CNR2: variants seen among roughly 807,000 people sequenced by gnomAD.
CNR2 encodes cannabinoid receptor 2.
For missense variants in CNR2, 379 were observed against 439.9 expected (o/e 0.86, Z 1.24); for synonymous variants, 172 against 182.2 (o/e 0.94, Z 0.45).
intron 1 of CNR2, among the ~76,000 whole-genome samples, chr1:23,887,653 T>C (rs1049462632): frequency 2.0e-5 from 3 of 152,192 alleles, no homozygotes; most frequent in Non-Finnish European, 4.4e-5. Flanking sequence ...AATCTCTGGC[T>C]TCTAGACAGG....
In CNR2 at chr1:23,880,219, C is replaced by T. The variant is rs184382850; in HGVS notation, c.-45-4557G>A. ...TTGAGACGGAGTCTCACTCTGTCAC[C>T]TAGGCTGGAGTGCAGTGGCACAATC... On this transcript the variant is annotated intron_variant, in intron 1 of 1. Coordinates refer to ENST00000374472, the MANE Select transcript of CNR2 (RefSeq NM_001841.3). Among the ~76,000 whole-genome samples, 4 of 149,042 alleles carry T rather than the reference C, an allele frequency of 2.7e-5. No individual in the cohort carries two copies. In the East Asian group the frequency reaches 7.8e-4, roughly 29 times the overall value.
intron 1 of CNR2, among the ~76,000 whole-genome samples, chr1:23,889,203 G>A (rs942694972): frequency 1.3e-5 from 2 of 152,116 alleles, no homozygotes; most frequent in Non-Finnish European, 2.9e-5. Flanking sequence ...TGTGCCTGGG[G>A]GTTTTTCTAA....
At chr1:23,901,775 T>C in intron 1 of CNR2, 1 of 1,492,070 alleles carries the variant, frequency 6.7e-7, no homozygotes, top group East Asian at 2.3e-5. Context: ...CTTCACGCTG[T>C]ACTCAGCCTT....
intron 1 of CNR2, among the ~76,000 whole-genome samples, chr1:23,908,071 C>G (rs1240545709): frequency 6.9e-6 from 1 of 144,538 alleles, no homozygotes; most frequent in African/African-American, 2.6e-5. Context: ...ACCTCCGGCT[C>G]TCTGGTTCAA....
At chr1:23,897,034 T>C (rs1018260214) in intron 1 of CNR2, among the ~76,000 whole-genome samples, 4 of 151,940 alleles carry the variant, frequency 2.6e-5, no homozygotes, top group Admixed American at 6.6e-5. Flanking sequence ...GACAGGTGCC[T>C]GCCACCATTT....
rs528173844 is a variant in CNR2 at position 23,906,273 on chromosome 1, G to A, written c.-46+6973C>T. Among the ~76,000 whole-genome samples, 196 of 151,938 alleles carry A rather than the reference G, an allele frequency of 1.3e-3. 7 individuals are homozygous for A. In the South Asian group the frequency reaches 0.038, roughly 29 times the overall value. On this transcript the variant is annotated intron_variant, in intron 1 of 1. Coordinates refer to ENST00000374472, the MANE Select transcript of CNR2 (RefSeq NM_001841.3). ...TGTGTTCTCTCGTGCAAATTACGTC[G>A]TCTCCTTGAGCCCCACTGTCCTTGT...
At chr1:23,893,115 T>C (rs1200479341) in intron 1 of CNR2, among the ~76,000 whole-genome samples, 1 of 152,204 alleles carries the variant, frequency 6.6e-6, no homozygotes. Flanking sequence ...GTCTACGGGT[T>C]ATCAAAGAAA....
chr1:23,902,650 T>C (rs1273891185), intron 1 of CNR2: 3 of 1,594,376 alleles, frequency 1.9e-6, no homozygotes, highest in Non-Finnish European at 2.6e-6. Flanking sequence ...GGCACCGTCC[T>C]GGTCGCCCCC....
chr1:23,889,131 C>T (rs1570710862), intron 1 of CNR2, among the ~76,000 whole-genome samples: 1 of 152,066 alleles, frequency 6.6e-6, no homozygotes, highest in Non-Finnish European at 1.5e-5. Flanking sequence ...CAGCCTACAG[C>T]CTGGTTCATA....
At chr1:23,877,363 C>A (rs1000919043) in intron 1 of CNR2, among the ~76,000 whole-genome samples, 1 of 152,140 alleles carries the variant, frequency 6.6e-6, no homozygotes, top group African/African-American at 2.4e-5. Context: ...TGGCCGGGCA[C>A]GGTGGCTCAC....
intron 1 of CNR2, among the ~76,000 whole-genome samples, chr1:23,898,319 G>A (rs1291506136): frequency 3.6e-5 from 5 of 139,446 alleles, no homozygotes; most frequent in African/African-American, 1.1e-4. Flanking sequence ...TTACAGGCGT[G>A]AGCCACCGCG....
At chr1:23,902,375 G>A in intron 1 of CNR2, 2 of 1,585,204 alleles carry the variant, frequency 1.3e-6, no homozygotes, top group South Asian at 1.1e-5. Context: ...GGACGCAGGC[G>A]TTCTTGGCTT....
intron 1 of CNR2, among the ~76,000 whole-genome samples, chr1:23,898,938 C>T (rs1640336124): frequency 6.6e-6 from 1 of 152,094 alleles, no homozygotes; most frequent in African/African-American, 2.4e-5. Context: ...CAGGCGTGAG[C>T]CACCACACCT....
intron 1 of CNR2, among the ~76,000 whole-genome samples, chr1:23,903,028 G>C (rs1294581368): frequency 6.6e-6 from 1 of 151,714 alleles, no homozygotes; most frequent in African/African-American, 2.4e-5. Flanking sequence ...CAGGGAGGTC[G>C]GGCGCTGAGC....
chr1:23,892,159 T>A (rs75192505), intron 1 of CNR2, among the ~76,000 whole-genome samples: 2,001 of 151,966 alleles, frequency 0.013, 46 homozygotes, highest in African/African-American at 0.046. Flanking sequence ...TGAAGCAGAG[T>A]GTGAACTAGA....
In CNR2 at chr1:23,875,668, G is replaced by A. The variant is rs767634816; in HGVS notation, c.-45-6C>T. 1 of 1,527,268 alleles carries A rather than the reference G, an allele frequency of 6.5e-7. No individual in the cohort carries two copies. Among genetic ancestry groups the A allele is most frequent in the Non-Finnish European group, 8.8e-7 (1 of 1,138,390 alleles). 94.6% of individuals were successfully genotyped at this position (1,527,268 alleles called of 1,614,324 possible). A position where few individuals can be genotyped will look rare whatever the true frequency, so the allele number is the denominator to read the frequency against. On this transcript the variant is annotated splice_region_variant and splice_polypyrimidine_tract_variant and intron_variant, in intron 1 of 1. Coordinates refer to ENST00000374472, the MANE Select transcript of CNR2 (RefSeq NM_001841.3). The stretch of plus-strand genomic sequence containing the variant: ...AGCTTGTCTAGAAGGCTTTGCTGCA[G>A]TACAATGAGAAGAAGAAAATAATCT...
chr1:23,911,054 C>T (rs1316095173), intron 1 of CNR2, among the ~76,000 whole-genome samples: 1 of 150,958 alleles, frequency 6.6e-6, no homozygotes, highest in East Asian at 2.0e-4. Context: ...GGCTCGGGGA[C>T]TTTTTTCAGG....
At position 23,902,788 on chromosome 1, in the gene CNR2, CGCGG is replaced by C. The variant is rs553516398; in HGVS notation, c.-46+10454_-46+10457del. ...GGTGGTTGTTGCCAAGTGTGGGCTG[CGCGG>C]GCGCGGGCGCGGGGGCGCGGTGCAG... On this transcript the variant is annotated intron_variant, in intron 1 of 1. Transcript: ENST00000374472. 5.6e-3 allele frequency: 7,926 copies of C among 1,422,350 alleles called. 35 individuals carry two copies. Among genetic ancestry groups the C allele is most frequent in the Admixed American group, 7.7e-3 (263 of 34,096 alleles). 88.1% of individuals were successfully genotyped at this position (1,422,350 alleles called of 1,614,324 possible).
rs2503000 is a variant in CNR2, at chr1:23,871,408, C to A, written c.*3127G>T. 1 of 152,104 alleles carries A rather than the reference C, an allele frequency of 6.6e-6. No individual in the cohort carries two copies. Among genetic ancestry groups the A allele is most frequent in the Admixed American group, 6.5e-5 (1 of 15,274 alleles). 9.4% of individuals were successfully genotyped at this position (152,104 alleles called of 1,614,324 possible). ...ATGACAGTATATAAACATGCAAATT[C>A]ACTTTTAAACATTTATGCTACTTGT... On this transcript the variant is annotated 3_prime_UTR_variant, in exon 2 of 2. Coordinates refer to ENST00000374472, the MANE Select transcript of CNR2 (RefSeq NM_001841.3).
Sources: allele counts gnomAD v4.1 joint callset (sites outside exome capture counted in the v4.1 genomes callset), GRCh38; gene constraint gnomAD v4.1.1; transcripts MANE v1.5; gene names NCBI Gene and HGNC (gene_info 2026-07-23, HGNC 2026-07-21).